The following TLE4 variants were observed in gnomAD, a reference collection of about 807,000 sequenced individuals.
TLE4 encodes TLE family member 4, transcriptional corepressor, also known as transducin-like enhancer protein 4.
TLE4 carries 8 observed loss-of-function variants against 92.8 expected under a neutral mutation model. The ratio of observed to expected loss-of-function variants is 0.09; its 90% confidence interval spans 0.05 to 0.16. The LOEUF (loss-of-function observed/expected upper bound fraction) is 0.16, where lower values mean the gene tolerates loss of function less well. TLE4 is among the 10% of genes least tolerant of loss of function. The probability of loss-of-function intolerance (pLI) is 1.00; values close to 1 mark genes in which losing one functional copy is unlikely to be tolerated. For missense variants in TLE4, 675 were observed against 997.6 expected (o/e 0.68, Z 4.36); for synonymous variants, 371 against 374.1 (o/e 0.99, Z 0.10).
At position 79,646,085 on chromosome 9, in the gene TLE4, A is replaced by ATATAT. The variant is rs1554737858; in HGVS notation, c.391-6507_391-6506insATATT. Among the ~76,000 whole-genome samples, 3 of 146,784 alleles carry ATATAT rather than the reference A, an allele frequency of 2.0e-5. No homozygotes were observed. In the South Asian group the frequency reaches 6.3e-4, roughly 31 times the overall value. On this transcript the variant is annotated intron_variant, in intron 6 of 19. Coordinates refer to ENST00000376552, the MANE Select transcript of TLE4 (RefSeq NM_007005.6). ...TCTTCTAAAGCCTATATATATATAT[A>ATATAT]TTTTTTTTAACCTGCTAGTTTATAA...
chr9:79,695,675 C>T (rs955488488), intron 8 of TLE4, among the ~76,000 whole-genome samples: 4 of 152,184 alleles, frequency 2.6e-5, no homozygotes, highest in African/African-American at 9.7e-5. Flanking sequence ...GCCACAGCCA[C>T]AGTGCTGGGA....
rs1042219905 is a variant in TLE4, at chr9:79,696,517, C to T, written c.610-8266C>T. Among the ~76,000 whole-genome samples, 5 of 151,974 alleles carry T rather than the reference C, an allele frequency of 3.3e-5. No individual in the cohort carries two copies. In the East Asian group the frequency reaches 7.7e-4, roughly 23 times the overall value. On this transcript the variant is annotated intron_variant, in intron 8 of 19. Transcript: ENST00000376552. Reference sequence around the variant, plus strand: ...TATATTGTCATTTCTTTCTTTGTTCCTGTTGTATTACCCTCAGACATTGTA... The same window carrying T: ...TATATTGTCATTTCTTTCTTTGTTCTTGTTGTATTACCCTCAGACATTGTA...
chr9:79,719,919 A>C, intron 15 of TLE4, 127 bp from the exon 16 acceptor site: 1 of 1,240,034 alleles, frequency 8.1e-7, no homozygotes, highest in Non-Finnish European at 1.1e-6. Context: ...CCACTTTATC[A>C]TTGTCATAAG....
chr9:79,708,723 C>G lies in TLE4; in HGVS notation c.1200C>G (p.Ser400=). 2 of 1,612,712 alleles carry G rather than the reference C, an allele frequency of 1.2e-6. No individual in the cohort carries two copies. The highest frequency in any genetic ancestry group is 1.3e-5 in the African/African-American group (1 of 75,072). The part of the protein sequence containing the change: ...GAAYAGLHNI[S]PQMSAAAAAA... ...CCTACGCTGGGCTCCACAACATCTC[C>G]CCTCAGATGAGCGCAGCTGCTGCCG... is the stretch of plus-strand genomic sequence containing the variant. Residue 400 remains serine, a synonymous_variant, in exon 13 of 20, where the codon TCC becomes TCG. Coordinates refer to ENST00000376552, the MANE Select transcript of TLE4 (RefSeq NM_007005.6).
chr9:79,606,170 A>G (rs79144581), intron 4 of TLE4, among the ~76,000 whole-genome samples: 1,692 of 52,904 alleles, frequency 0.032, 13 homozygotes, highest in Non-Finnish European at 0.049. Flanking sequence ...TTATTGCTTT[A>G]TTAAGCAGTA....
chr9:79,676,953 G>A (rs2063371174), intron 8 of TLE4, among the ~76,000 whole-genome samples: 1 of 152,068 alleles, frequency 6.6e-6, no homozygotes, highest in South Asian at 2.1e-4. Context: ...TCATGTGTTT[G>A]AAGATGCATT....
intron 6 of TLE4, chr9:79,649,887 T>C (rs1467037628): frequency 2.2e-6 from 3 of 1,342,968 alleles, no homozygotes; most frequent in Admixed American, 2.2e-5. Flanking sequence ...GGGCTTTTTG[T>C]TGTTGTTGTT....
At chr9:79,690,074 C>A (rs2066733303) in intron 8 of TLE4, among the ~76,000 whole-genome samples, 1 of 151,382 alleles carries the variant, frequency 6.6e-6, no homozygotes, top group Non-Finnish European at 1.5e-5. Flanking sequence ...CAACCATGAC[C>A]CCATCCCAGA....
chr9:79,701,336 C>A (rs59519213), intron 8 of TLE4, among the ~76,000 whole-genome samples: 1 of 152,282 alleles, frequency 6.6e-6, no homozygotes, highest in African/African-American at 2.4e-5. Flanking sequence ...TACAACGCTG[C>A]CTGCAAAACC....
chr9:79,627,454 T>TGC lies in TLE4; in HGVS notation c.390+7_390+8insCG. The TGC allele has an allele frequency of 6.2e-7, 1 of 1,614,038 alleles. No individual in the cohort carries two copies. Among genetic ancestry groups the TGC allele is most frequent in the East Asian group, 2.2e-5 (1 of 44,884 alleles). ...AACTGAACGCCATCATTGGGGTACG[T>TGC]GGCCTTTCCATTTTAGCTCTGATCT... On this transcript the variant is annotated splice_region_variant and intron_variant, in intron 6 of 19. Coordinates refer to ENST00000376552, the MANE Select transcript of TLE4 (RefSeq NM_007005.6).
intron 8 of TLE4, among the ~76,000 whole-genome samples, chr9:79,667,455 A>G (rs768759151): frequency 2.6e-5 from 4 of 152,236 alleles, no homozygotes; most frequent in South Asian, 2.1e-4. Context: ...ATAAATGTCA[A>G]TAGTTTTAAT....
At chr9:79,615,213 G>A (rs375578083) in intron 5 of TLE4, among the ~76,000 whole-genome samples, 6 of 152,116 alleles carry the variant, frequency 3.9e-5, no homozygotes, top group African/African-American at 1.4e-4. Context: ...CAGGTTAGTA[G>A]AGGAAGATGA....
rs529057583 is a variant in TLE4, at chr9:79,675,664, G to A, written c.609+21589G>A. Among the ~76,000 whole-genome samples, 17 of 152,232 alleles carry A rather than the reference G, an allele frequency of 1.1e-4. No individual in the cohort carries two copies. In the South Asian group the frequency reaches 1.5e-3, roughly 13 times the overall value. ...TGACTGGTGGCTTAATCATTTTCAA[G>A]GTTCTTCTTTGATTCACTAAGCACT... On this transcript the variant is annotated intron_variant, in intron 8 of 19. Transcript: ENST00000376552.
Position 79,645,310 on chromosome 9 carries a change from G to A in TLE4, c.391-7283G>A, listed in dbSNP as rs188103575. ...GTTGTTGTTTCTAAGGAAGGTGCGT[G>A]TTTTTTGAGAATTATTCTGCTGTTG... On this transcript the variant is annotated intron_variant, in intron 6 of 19. Transcript: ENST00000376552. Among the ~76,000 whole-genome samples, 4 of 152,294 alleles carry A rather than the reference G, an allele frequency of 2.6e-5. No individual in the cohort carries two copies. In the South Asian group the frequency reaches 6.2e-4, roughly 24 times the overall value.
At chr9:79,663,045 TGGGTGGGGGTGG>T (rs57059626) in intron 8 of TLE4, among the ~76,000 whole-genome samples, 13,186 of 109,894 alleles carry the variant, frequency 0.12, 654 homozygotes, top group African/African-American at 0.17. Flanking sequence ...CCTCCCAACC[TGGGTGGGGGTGG>T]GGGTGGGGGT....
intron 4 of TLE4, among the ~76,000 whole-genome samples, chr9:79,608,830 A>G (rs1192938818): frequency 1.3e-5 from 2 of 152,106 alleles, no homozygotes; most frequent in Non-Finnish European, 2.9e-5. Flanking sequence ...AAATAAAGCT[A>G]TTGGTACTTT....
At chr9:79,705,565 G>A (rs1469006928) in intron 9 of TLE4, among the ~76,000 whole-genome samples, 3 of 152,212 alleles carry the variant, frequency 2.0e-5, no homozygotes, top group Non-Finnish European at 2.9e-5. Context: ...TCTGTAGGCC[G>A]GATTTAGCCT....
chr9:79,577,084 GA>G (rs1158789542), intron 4 of TLE4, among the ~76,000 whole-genome samples: 1 of 152,060 alleles, frequency 6.6e-6, no homozygotes, highest in Non-Finnish European at 1.5e-5. Flanking sequence ...AGCCATTTCA[GA>G]ATAGGTGTGT....
intron 4 of TLE4, among the ~76,000 whole-genome samples, chr9:79,589,622 C>T (rs2042046210): frequency 1.3e-5 from 2 of 152,036 alleles, no homozygotes; most frequent in African/African-American, 4.8e-5. Flanking sequence ...TGTCCCCCAT[C>T]GAAGTCACTA....
Sources: allele counts gnomAD v4.1 joint callset (sites outside exome capture counted in the v4.1 genomes callset), GRCh38; gene constraint gnomAD v4.1.1; transcripts MANE v1.5; gene names NCBI Gene and HGNC (gene_info 2026-07-23, HGNC 2026-07-21).